Variants in CSMD3 observed in about 807,000 individuals in gnomAD.
CSMD3 encodes the protein CUB and sushi domain-containing protein 3.
CSMD3 carries 177 observed loss-of-function variants against 435.2 expected under a neutral mutation model. The observed-to-expected ratio is 0.41, with a 90% CI of 0.36 to 0.46. The LOEUF (loss-of-function observed/expected upper bound fraction) is 0.46, where lower values mean the gene tolerates loss of function less well. Among genes scored for constraint, CSMD3 ranks in the 20% least tolerant of loss-of-function variants. The pLI, the probability that CSMD3 is intolerant of heterozygous loss-of-function variation, is 0.34. For synonymous variants in CSMD3, 1,656 were observed against 1,520.5 expected, an observed-to-expected ratio of 1.09 and a Z score of -2.07; for missense variants, 4,265 against 4,504.6, an observed-to-expected ratio of 0.95 and a Z score of 1.52.
At chr8:113,303,809 C>A (rs1259787373) in intron 2 of CSMD3, among the ~76,000 whole-genome samples, 1 of 140,712 alleles carries the variant, frequency 7.1e-6, no homozygotes, top group Non-Finnish European at 1.5e-5. Flanking sequence ...CATAAAAACC[C>A]TAGAAGAAAA....
At chr8:112,911,764 GTTAA>G (rs926509613) in intron 10 of CSMD3, among the ~76,000 whole-genome samples, 6 of 144,524 alleles carry the variant, frequency 4.2e-5, no homozygotes, top group South Asian at 2.2e-4. Flanking sequence ...AATATATTTA[GTTAA>G]TTGTTATGTA....
At chr8:113,312,050 A>T (rs767947310) in intron 2 of CSMD3, 1 of 152,104 alleles carries the variant, frequency 6.6e-6, no homozygotes, top group East Asian at 1.9e-4. Flanking sequence ...ATTTGATCCA[A>T]TACTGCTAAG....
At chr8:112,381,882 G>A (rs1037972919) in intron 37 of CSMD3, among the ~76,000 whole-genome samples, 32 of 152,070 alleles carry the variant, frequency 2.1e-4, no homozygotes, top group Non-Finnish European at 2.1e-4. Context: ...GATCAAATAA[G>A]GAAATGCATG....
At chr8:113,071,357 C>A (rs1247800448) in intron 5 of CSMD3, among the ~76,000 whole-genome samples, 1 of 151,694 alleles carries the variant, frequency 6.6e-6, no homozygotes, top group African/African-American at 2.4e-5. Context: ...TTTATTTTTG[C>A]CTGTGCTTTC....
chr8:112,709,907 T>C (rs890376197), intron 13 of CSMD3, among the ~76,000 whole-genome samples: 2 of 152,106 alleles, frequency 1.3e-5, no homozygotes, highest in African/African-American at 4.8e-5. Flanking sequence ...TAACTCACTT[T>C]AGAAAAACTG....
chr8:113,329,204 A>AAAATAAAT (rs60369800), intron 1 of CSMD3, among the ~76,000 whole-genome samples: 14,608 of 143,806 alleles, frequency 0.1, 881 homozygotes, highest in African/African-American at 0.14. Context: ...TTAAAGAATG[A>AAAATAAAT]AAATAAATAA....
chr8:112,600,235 A>G (rs914408219), intron 22 of CSMD3, among the ~76,000 whole-genome samples: 5 of 152,202 alleles, frequency 3.3e-5, no homozygotes, highest in Non-Finnish European at 7.3e-5. Flanking sequence ...TATAATAAAA[A>G]ATGCTACCAA....
At chr8:113,096,879 G>C (rs1355679706) in intron 5 of CSMD3, among the ~76,000 whole-genome samples, 1 of 152,038 alleles carries the variant, frequency 6.6e-6, no homozygotes, top group Non-Finnish European at 1.5e-5. Flanking sequence ...AATTAAGTAA[G>C]CTACACACTC....
chr8:112,598,169 G>C (rs1831939609), intron 22 of CSMD3, among the ~76,000 whole-genome samples: 1 of 137,798 alleles, frequency 7.3e-6, no homozygotes, highest in Non-Finnish European at 1.6e-5. Context: ...CTTCAGCAAA[G>C]TCTCAGGATA....
intron 27 of CSMD3, among the ~76,000 whole-genome samples, chr8:112,533,450 A>G (rs1825736453): frequency 1.3e-5 from 2 of 152,044 alleles, no homozygotes; most frequent in African/African-American, 4.8e-5. Flanking sequence ...AACGGAAACC[A>G]AAAAAAGAGC....
In CSMD3 at chr8:112,351,202, A is replaced by G; in HGVS notation, c.6298T>C (p.Trp2100Arg). 2 of 1,608,754 alleles carry G rather than the reference A, an allele frequency of 1.2e-6. No homozygotes were observed. Among genetic ancestry groups the G allele is most frequent in the Non-Finnish European group, 1.7e-6 (2 of 1,175,542 alleles). The change falls in exon 40 of 71, where the codon TGG becomes CGG. Residue 2100 changes from tryptophan to arginine, a missense_variant. Coordinates refer to ENST00000297405, the MANE Select transcript of CSMD3 (RefSeq NM_198123.2). ...ITCMPGPVRR[W>R]NYPIPICLAQ... ...AAACAAATTGGGATTGGATAATTCCATCTTCTTACAGGTCCTGGCATACAT... is the reference window on the plus strand; with the variant it reads ...AAACAAATTGGGATTGGATAATTCCGTCTTCTTACAGGTCCTGGCATACAT...
At chr8:112,580,768 A>G (rs1289777360) in intron 23 of CSMD3, among the ~76,000 whole-genome samples, 1 of 152,080 alleles carries the variant, frequency 6.6e-6, no homozygotes, top group Non-Finnish European at 1.5e-5. Flanking sequence ...ACCAAGTAGC[A>G]AATGAGAGAG....
At chr8:112,576,426 T>TAGTA (rs1312994243) in intron 23 of CSMD3, among the ~76,000 whole-genome samples, 1 of 152,078 alleles carries the variant, frequency 6.6e-6, no homozygotes, top group Non-Finnish European at 1.5e-5. Flanking sequence ...AAAAATAACA[T>TAGTA]AGTAAGACAT....
At chr8:112,607,259 G>GA (rs1218615558) in intron 22 of CSMD3, among the ~76,000 whole-genome samples, 1 of 151,482 alleles carries the variant, frequency 6.6e-6, no homozygotes, top group African/African-American at 2.4e-5. Context: ...TAAATTCCAA[G>GA]AAAAACATGA....
At chr8:112,912,716 C>T (rs79687526) in intron 10 of CSMD3, among the ~76,000 whole-genome samples, 7,727 of 151,910 alleles carry the variant, frequency 0.051, 222 homozygotes, top group Non-Finnish European at 0.062. Context: ...AGACAAATGG[C>T]ATTGCATCAA....
At chr8:113,221,415 A>G (rs1247504711) in intron 3 of CSMD3, among the ~76,000 whole-genome samples, 1 of 150,770 alleles carries the variant, frequency 6.6e-6, no homozygotes, top group Non-Finnish European at 1.5e-5. Context: ...AAATAAAGCA[A>G]ATGGTGTAAA....
chr8:113,363,395 T>C (rs2094290472), intron 1 of CSMD3, among the ~76,000 whole-genome samples: 1 of 152,190 alleles, frequency 6.6e-6, no homozygotes, highest in African/African-American at 2.4e-5. Context: ...CAGAGTGTAT[T>C]AGTTTCTGGT....
chr8:112,864,242 T>TTTGTTG (rs145869978), intron 10 of CSMD3, among the ~76,000 whole-genome samples: 2 of 151,662 alleles, frequency 1.3e-5, no homozygotes, highest in African/African-American at 2.4e-5. Flanking sequence ...TTGTTTTTGT[T>TTTGTTG]TTGTTGTTGT....
intron 3 of CSMD3, among the ~76,000 whole-genome samples, chr8:113,213,107 A>G (rs1191049494): frequency 6.6e-6 from 1 of 151,996 alleles, no homozygotes; most frequent in African/African-American, 2.4e-5. Context: ...CTTTTCATAA[A>G]TGTTAACTAA....
Sources: gnomAD v4.1 joint callset for allele counts (sites outside exome capture counted in the v4.1 genomes callset) on GRCh38, gnomAD v4.1.1 for gene constraint, MANE v1.5 for transcripts, NCBI Gene and HGNC (gene_info 2026-07-23, HGNC 2026-07-21) for gene names.